ANKRD24: variants seen among roughly 807,000 people sequenced by gnomAD.
ANKRD24 encodes the protein ankyrin repeat domain-containing protein 24.
Under a neutral mutation model 127.8 loss-of-function variants are expected in ANKRD24, and 109 were observed. The observed-to-expected ratio is 0.85, with a 90% CI of 0.73 to 1.00. The LOEUF is 1.00. Among genes scored for constraint, ANKRD24 ranks in the 50% least tolerant of loss-of-function variants. The pLI, the probability that ANKRD24 is intolerant of heterozygous loss-of-function variation, is 0.00. For missense variants in ANKRD24, 1,648 were observed against 1,570.2 expected (o/e 1.05, Z -0.84); for synonymous variants, 743 against 671.1 (o/e 1.11, Z -1.66).
At chr19:4,191,575 G>A (rs374629816) in intron 2 of ANKRD24, among the ~76,000 whole-genome samples, 2 of 151,852 alleles carry the variant, frequency 1.3e-5, no homozygotes, top group Admixed American at 6.6e-5. Flanking sequence ...TCCGCCTCCC[G>A]GGTTCAAGAG....
chr19:4,216,086 T>C, intron 16 of ANKRD24, 36 bp downstream of exon 16: 3 of 1,558,264 alleles, frequency 1.9e-6, no homozygotes, highest in Non-Finnish European at 2.6e-6. Context: ...CCCAGCCGCC[T>C]TGTCCCCTGG....
At chr19:4,197,132 G>A (rs574553537) in intron 2 of ANKRD24, among the ~76,000 whole-genome samples, 1 of 152,124 alleles carries the variant, frequency 6.6e-6, no homozygotes, top group Non-Finnish European at 1.5e-5. Flanking sequence ...CCCATTTTAC[G>A]GAGGAGGAAG....
rs769811045 is a variant in ANKRD24, at chr19:4,216,912, CGAGGCCACGGGAGCT to C, written c.1761_1775del (p.Glu590_Ala594del). 6.3e-5 allele frequency: 101 copies of C among 1,609,464 alleles called. No homozygotes were observed. The Middle Eastern group carries it at 9.9e-4, about 16-fold the overall frequency. Reference sequence around the variant, plus strand: ...CTATGGAAGCTGAGGCCACGGGAGCCGAGGCCACGGGAGCTGAGGCCACAGGAGCCAAGGTCACAG... The same window carrying C: ...CTATGGAAGCTGAGGCCACGGGAGCCGAGGCCACAGGAGCCAAGGTCACAG... On this transcript the variant is annotated inframe_deletion, in exon 18 of 22. Coordinates refer to ENST00000318934, the MANE Select transcript of ANKRD24 (RefSeq NM_001393985.1).
intron 7 of ANKRD24, 88 bp downstream of exon 7, chr19:4,203,014 C>T (rs1472033191): frequency 3.4e-5 from 38 of 1,115,828 alleles, no homozygotes; most frequent in Non-Finnish European, 4.7e-5. Flanking sequence ...AGGGACCTGA[C>T]CTGCTGTGAA....
chr19:4,186,596 A>T, intron 2 of ANKRD24, 135 bp downstream of exon 2: 4 of 1,016,816 alleles, frequency 3.9e-6, no homozygotes, highest in Non-Finnish European at 4.4e-6. Context: ...CCCTAGCGTC[A>T]TGACCTCCCC....
At position 4,217,795 on chromosome 19, in the gene ANKRD24, G is replaced by C; in HGVS notation, c.2635G>C (p.Asp879His). Residue 879 changes from aspartate to histidine, a missense_variant, in exon 18 of 22, where the codon GAC (aspartate) becomes CAC (histidine). By Grantham distance (81) the Asp-to-His change is moderately conservative. Coordinates refer to ENST00000318934, the MANE Select transcript of ANKRD24 (RefSeq NM_001393985.1). The part of the protein sequence containing the change: ...TAAAELGRAR[D>H]AAEARVAELP... ...GGCCGCGGAACTGGGCCGGGCACGG[G>C]ACGCCGCTGAGGCCCGAGTGGCTGA... 4 of 1,344,518 alleles carry C rather than the reference G, an allele frequency of 3.0e-6. No individual in the cohort carries two copies. The highest frequency in any genetic ancestry group is 3.8e-6 in the Non-Finnish European group (4 of 1,052,994). The allele number at this position is 1,344,518 out of a possible 1,614,324, so 83.3% of individuals were successfully genotyped here.
At position 4,216,941 on chromosome 19, in the gene ANKRD24, C is replaced by G; in HGVS notation, c.1781C>G (p.Ala594Gly). 6.2e-7 allele frequency: 1 copy of G among 1,611,314 alleles called. No individual in the cohort carries two copies. The highest frequency in any genetic ancestry group is 8.5e-7 in the Non-Finnish European group (1 of 1,178,874). Residue 594 changes from alanine (A) to glycine (G), a missense_variant, in exon 18 of 22, where the codon GCC becomes GGC. By Grantham distance (60) the Ala-to-Gly change is moderately conservative (BLOSUM62 0). Transcript: ENST00000318934. ...GCCACGGGAGCTGAGGCCACAGGAGCCAAGGTCACAGAAACAAAACCCACA... is the reference window on the plus strand; with the variant it reads ...GCCACGGGAGCTGAGGCCACAGGAGGCAAGGTCACAGAAACAAAACCCACA... ...AEATGAEATGAKVTETKPTGA... is the reference protein window; with the variant it reads ...AEATGAEATGGKVTETKPTGA...
In ANKRD24 at chr19:4,195,639, T is replaced by C. The variant is rs1407666294; in HGVS notation, c.37-4044T>C. On this transcript the variant is annotated intron_variant, in intron 2 of 21. Transcript: ENST00000318934. This position sits in a 1 kb window ranked among gnomAD's most constrained non-coding sequence, Gnocchi z 4.2. ...AGGGCCGGGCGCAGTGGCTCACGCC[T>C]GTAATCCCAACACTTTGAGAGGCCA... Among the ~76,000 whole-genome samples the C allele has an allele frequency of 6.6e-6, 1 of 152,166 alleles. No homozygotes were observed. The highest frequency in any genetic ancestry group is 6.5e-5 in the Admixed American group (1 of 15,270).
Position 4,217,809 on chromosome 19 carries a change from C to T in ANKRD24, c.2649C>T (p.Ala883=). 7.2e-7 allele frequency: 1 copy of T among 1,383,256 alleles called. No homozygotes were observed. The highest frequency in any genetic ancestry group is 9.3e-7 in the Non-Finnish European group (1 of 1,073,606). 85.7% of individuals were successfully genotyped at this position (1,383,256 alleles called of 1,614,324 possible). A position where few individuals can be genotyped will look rare whatever the true frequency, so the allele number is the denominator to read the frequency against. Residue 883 remains alanine, a synonymous_variant, in exon 18 of 22, where the codon GCC becomes GCT. Coordinates refer to ENST00000318934, the MANE Select transcript of ANKRD24 (RefSeq NM_001393985.1). ...GCCGGGCACGGGACGCCGCTGAGGC[C>T]CGAGTGGCTGAGCTGCCTGCGGCCT... ...ELGRARDAAE[A]RVAELPAACE...
Position 4,218,021 on chromosome 19 carries a change from T to C in ANKRD24, c.2861T>C (p.Leu954Pro). Residue 954 changes from leucine (L) to proline (P), a missense_variant, in exon 18 of 22, where the codon CTG (leucine) becomes CCG (proline). Leu to Pro is a moderately conservative substitution (Grantham distance 98). Transcript: ENST00000318934. ...GKEAARLRAELERERVCSVAL... is the reference protein window; with the variant it reads ...GKEAARLRAEPERERVCSVAL... ...GAGGCCGCCCGGCTGCGCGCGGAGC[T>C]GGAGCGGGAGCGTGTGTGCAGCGTG... 6.4e-7 allele frequency: 1 copy of C among 1,554,522 alleles called. No homozygotes were observed. Among genetic ancestry groups the C allele is most frequent in the South Asian group, 1.2e-5 (1 of 84,572 alleles).
At chr19:4,184,167 C>T (rs577913299) in intron 1 of ANKRD24, among the ~76,000 whole-genome samples, 7 of 152,320 alleles carry the variant, frequency 4.6e-5, no homozygotes, top group African/African-American at 1.7e-4. Flanking sequence ...ATCCCCGGCC[C>T]CCTGGGGCGG....
At chr19:4,223,253 A>G (rs1970540245) in intron 20 of ANKRD24, among the ~76,000 whole-genome samples, 1 of 151,034 alleles carries the variant, frequency 6.6e-6, no homozygotes, top group Admixed American at 6.6e-5. Context: ...TTTTTTTTGG[A>G]CATAGGATCT....
chr19:4,186,203 A>ACT lies in ANKRD24; in HGVS notation c.-36-187_-36-186insCT, dbSNP rs1968051874. The stretch of plus-strand genomic sequence containing the variant: ...ACTGTATAGATGAGGGAAGTAAAAC[A>ACT]GAGAGGGCAAGTAAACTGCCAAAGG... On this transcript the variant is annotated intron_variant, in intron 1 of 21. Transcript: ENST00000318934. 3 of 1,344,392 alleles carry ACT rather than the reference A, an allele frequency of 2.2e-6. No homozygotes were observed. The African/African-American group carries it at 4.4e-5, about 20-fold the overall frequency. The allele number at this position is 1,344,392 out of a possible 1,614,324, so 83.3% of individuals were successfully genotyped here.
chr19:4,214,039 A>G (rs1348334741), intron 15 of ANKRD24, among the ~76,000 whole-genome samples: 1 of 152,190 alleles, frequency 6.6e-6, no homozygotes, highest in Non-Finnish European at 1.5e-5. Context: ...CCACAAACAC[A>G]CAGTTTACAG....
chr19:4,183,385 G>T, intron 1 of ANKRD24: 3 of 977,608 alleles, frequency 3.1e-6, no homozygotes, highest in Non-Finnish European at 3.6e-6. Flanking sequence ...AGAATCATGT[G>T]TTGAGTACCT....
intron 2 of ANKRD24, among the ~76,000 whole-genome samples, chr19:4,194,864 AAG>A (rs1453745735): frequency 6.6e-6 from 1 of 152,076 alleles, no homozygotes; most frequent in African/African-American, 2.4e-5. Context: ...AGTGTGGGGC[AAG>A]AGAGAGGTGT....
chr19:4,193,801 T>C (rs1243640579), intron 2 of ANKRD24, among the ~76,000 whole-genome samples: 13 of 92,450 alleles, frequency 1.4e-4, no homozygotes, highest in African/African-American at 1.7e-4. Flanking sequence ...CATGCCACTG[T>C]ACTCCAGCCT....
chr19:4,182,790 T>TG lies in ANKRD24; in HGVS notation c.-37+54dup. On this transcript the variant is annotated intron_variant, in intron 1 of 21. Transcript: ENST00000318934. ...CTCCCCGATGACCCGGGCGGGAAAT[T>TG]GGGGCGGCCGCCTACGTGAGAGTTC... 3 of 978,460 alleles carry TG rather than the reference T, an allele frequency of 3.1e-6. No individual in the cohort carries two copies. In the South Asian group the frequency reaches 1.4e-4, roughly 46 times the overall value. 60.6% of individuals were successfully genotyped at this position (978,460 alleles called of 1,614,324 possible).
In ANKRD24 at chr19:4,202,057, C is replaced by T. The variant is rs747591209; in HGVS notation, c.375C>T (p.Tyr125=). ...GYNALHLAAK[Y]GHPQCLKQLL... ...ATGCCCTCCACCTGGCCGCCAAATA[C>T]GGGCACCCACAGTGCTTGAAGCAAC... The change falls in exon 6 of 22, where the codon TAC becomes TAT. Residue 125 remains tyrosine (Y), a synonymous_variant. Coordinates refer to ENST00000318934, the MANE Select transcript of ANKRD24 (RefSeq NM_001393985.1). 9 of 1,613,728 alleles carry T rather than the reference C, an allele frequency of 5.6e-6. No individual in the cohort carries two copies. The Admixed American group carries it at 6.7e-5, about 12-fold the overall frequency.
Sources: allele counts gnomAD v4.1 joint callset (sites outside exome capture counted in the v4.1 genomes callset), GRCh38; gene constraint gnomAD v4.1.1; non-coding constraint Gnocchi (gnomAD v3.1); transcripts MANE v1.5; gene names NCBI Gene and HGNC (gene_info 2026-07-23, HGNC 2026-07-21).